PPP2R1B: variants seen among roughly 807,000 people sequenced by gnomAD.
PPP2R1B encodes the protein serine/threonine-protein phosphatase 2A 65 kDa regulatory subunit A beta isoform.
PPP2R1B carries 58 observed loss-of-function variants against 72.7 expected under a neutral mutation model. That is an observed-to-expected ratio of 0.80 (90% CI 0.65 to 0.99). The LOEUF (loss-of-function observed/expected upper bound fraction) is 0.99. PPP2R1B is among the 50% of genes least tolerant of loss of function. The pLI, the probability that PPP2R1B is intolerant of heterozygous loss-of-function variation, is 0.00. For synonymous variants in PPP2R1B, 256 were observed against 264.6 expected (o/e 0.97, Z 0.32); for missense variants, 695 against 733.6 (o/e 0.95, Z 0.61).
At position 111,742,503 on chromosome 11, in the gene PPP2R1B, A is replaced by T. The variant is rs1944558506; in HGVS notation, c.1697+20T>A. 2 of 1,608,184 alleles carry T rather than the reference A, an allele frequency of 1.2e-6. No individual in the cohort carries two copies. Among genetic ancestry groups the T allele is most frequent in the East Asian group, 4.5e-5 (2 of 44,746 alleles). ...ATTTAAAGTACACTTTTAAAACAAG[A>T]CTAAACACTAAAATCTTACTTGGTA... On this transcript the variant is annotated intron_variant, in intron 13 of 14. Coordinates refer to ENST00000527614, the MANE Select transcript of PPP2R1B (RefSeq NM_002716.5).
the PPP2R1B span, among the ~76,000 whole-genome samples, chr11:111,704,338 A>C: frequency 6.6e-6 from 1 of 152,232 alleles, no homozygotes; most frequent in Admixed American, 6.5e-5. Flanking sequence ...CCAAAGGAGC[A>C]GTTGTTTCTC....
chr11:111,755,125 A>G (rs111793020), intron 6 of PPP2R1B, 31 bp from the exon 7 acceptor site: 23 of 1,565,664 alleles, frequency 1.5e-5, no homozygotes, highest in African/African-American at 2.7e-5. Context: ...GTTTTAATGT[A>G]TACTAACAAA....
chr11:111,718,007 C>T, the PPP2R1B span, among the ~76,000 whole-genome samples: 1 of 152,050 alleles, frequency 6.6e-6, no homozygotes, highest in Non-Finnish European at 1.5e-5. Context: ...TGCAGCAAAC[C>T]ACCATGACAC....
chr11:111,738,260 A>G lies in PPP2R1B; in HGVS notation c.*3336T>C. The G allele has an allele frequency of 3.0e-6, 3 of 985,502 alleles. No homozygotes were observed. Among genetic ancestry groups the G allele is most frequent in the Non-Finnish European group, 3.6e-6 (3 of 829,990 alleles). The allele number at this position is 985,502 out of a possible 1,614,324, so 61.0% of individuals were successfully genotyped here. ...TCATATCCAAGCAGTGGAGAAAAAT[A>G]AGAAGCTTTACGATAAGAGTGTCAC... On this transcript the variant is annotated 3_prime_UTR_variant, in exon 15 of 15. Transcript: ENST00000527614.
chr11:111,703,873 G>T, the PPP2R1B span, among the ~76,000 whole-genome samples: 52 of 152,262 alleles, frequency 3.4e-4, no homozygotes, highest in African/African-American at 1.2e-3. Context: ...GCAAAAACAG[G>T]TGGGCTCCTG....
chr11:111,764,152 C>T (rs191542088), intron 3 of PPP2R1B, among the ~76,000 whole-genome samples: 3 of 151,828 alleles, frequency 2.0e-5, no homozygotes, highest in South Asian at 2.1e-4. Context: ...CCATTTACGA[C>T]TGCACGGTAA....
intron 15 of PPP2R1B, chr11:111,727,344 A>G: frequency 2.2e-6 from 1 of 463,892 alleles, no homozygotes; most frequent in Admixed American, 3.4e-5. Flanking sequence ...TAGGAAAGAA[A>G]AAGTCAGTGG....
chr11:111,765,244 T>C (rs782252274), intron 2 of PPP2R1B, 50 bp downstream of exon 2: 3 of 1,520,320 alleles, frequency 2.0e-6, no homozygotes, highest in Non-Finnish European at 2.7e-6. Context: ...TGTTGAAAGC[T>C]ACTGGAAAAT....
intron 14 of PPP2R1B, 155 bp downstream of exon 14, chr11:111,741,898 T>G (rs531662578): frequency 2.6e-5 from 21 of 808,922 alleles, no homozygotes; most frequent in Non-Finnish European, 4.4e-5. Flanking sequence ...GCCAAGAGGG[T>G]TCTAATCAGA....
At chr11:111,743,636 T>G in intron 11 of PPP2R1B, 106 bp from the exon 12 acceptor site, 1 of 1,328,802 alleles carries the variant, frequency 7.5e-7, no homozygotes, top group Non-Finnish European at 1.0e-6. Flanking sequence ...AAAACCCCTC[T>G]GCAATCAGAC....
downstream of PPP2R1B, chr11:111,723,879 TCTC>T (rs777400912): frequency 5.7e-4 from 913 of 1,613,492 alleles, no homozygotes; most frequent in Non-Finnish European, 7.4e-4. Context: ...CCCTTACAGT[TCTC>T]CTATCAGACT....
In PPP2R1B at chr11:111,741,950, C is replaced by G. The variant is rs952225205; in HGVS notation, c.1789+103G>C. On this transcript the variant is annotated intron_variant, in intron 14 of 14. Coordinates refer to ENST00000527614, the MANE Select transcript of PPP2R1B (RefSeq NM_002716.5). ...AGGAACTTACTACCCTCCCTGTTTC[C>G]CATAATACTTATCATCCTACCCACT... 11 of 1,033,788 alleles carry G rather than the reference C, an allele frequency of 1.1e-5. No homozygotes were observed. The African/African-American group carries it at 1.6e-4, about 15-fold the overall frequency. The allele number at this position is 1,033,788 out of a possible 1,614,324, so 64.0% of individuals were successfully genotyped here. A position where few individuals can be genotyped will look rare whatever the true frequency, so the allele number is the denominator to read the frequency against.
chr11:111,711,541 CAT>C, the PPP2R1B span, among the ~76,000 whole-genome samples: 1 of 152,250 alleles, frequency 6.6e-6, no homozygotes, highest in African/African-American at 2.4e-5. Context: ...ACTTCAAAAA[CAT>C]AGCTTGCAGT....
At chr11:111,719,387 A>T in the PPP2R1B span, among the ~76,000 whole-genome samples, 1 of 125,110 alleles carries the variant, frequency 8.0e-6, no homozygotes. Flanking sequence ...GCAATGAGCC[A>T]AGTAGTTAAA....
chr11:111,718,019 C>T, the PPP2R1B span, among the ~76,000 whole-genome samples: 16 of 151,984 alleles, frequency 1.1e-4, no homozygotes, highest in Admixed American at 5.2e-4. Flanking sequence ...CCATGACACA[C>T]GTTTACCTAT....
the PPP2R1B span, among the ~76,000 whole-genome samples, chr11:111,698,704 C>T: frequency 6.6e-6 from 1 of 152,102 alleles, no homozygotes; most frequent in Non-Finnish European, 1.5e-5. Flanking sequence ...GAGCAAGACC[C>T]TATCTCAAAA....
Position 111,742,155 on chromosome 11 carries a change from A to T in PPP2R1B, c.1698-11T>A. The T allele has an allele frequency of 1.2e-6, 2 of 1,600,534 alleles. No homozygotes were observed. The highest frequency in any genetic ancestry group is 1.7e-6 in the Non-Finnish European group (2 of 1,167,994). On this transcript the variant is annotated splice_polypyrimidine_tract_variant and intron_variant, in intron 13 of 14. Transcript: ENST00000527614. ...TCTCCCTGTAAAGCACTGACATTCA[A>T]AAGTATTATCTGTGAAAGACAGTCT...
chr11:111,738,295 AAGTC>A lies in PPP2R1B; in HGVS notation c.*3297_*3300del. 3.0e-6 allele frequency: 3 copies of A among 985,522 alleles called. No individual in the cohort carries two copies. Among genetic ancestry groups the A allele is most frequent in the Non-Finnish European group, 3.6e-6 (3 of 829,994 alleles). 61.0% of individuals were successfully genotyped at this position (985,522 alleles called of 1,614,324 possible). On this transcript the variant is annotated 3_prime_UTR_variant, in exon 15 of 15. Coordinates refer to ENST00000527614, the MANE Select transcript of PPP2R1B (RefSeq NM_002716.5). ...ACGATAAGAGTGTCACCATTTTTAA[AAGTC>A]AGAGGAATTTAAGTAAAAGGCAAGA...
At chr11:111,757,835 CA>C (rs1334506925) in intron 5 of PPP2R1B, among the ~76,000 whole-genome samples, 1,825 of 102,980 alleles carry the variant, frequency 0.018, 11 homozygotes, top group Middle Eastern at 0.11. Flanking sequence ...AACTCCATCT[CA>C]AAAAAAAAAA....
Sources: allele counts gnomAD v4.1 joint callset (sites outside exome capture counted in the v4.1 genomes callset), GRCh38; gene constraint gnomAD v4.1.1; transcripts MANE v1.5; gene names NCBI Gene and HGNC (gene_info 2026-07-23, HGNC 2026-07-21).